CERS6: variants seen among roughly 807,000 people sequenced by gnomAD.
The protein encoded by CERS6 is LAG1 homolog, ceramide synthase 6.
A neutral mutation model predicts 56.8 loss-of-function variants in CERS6; 26 were observed. The observed-to-expected ratio is 0.46, with a 90% CI of 0.34 to 0.63. The LOEUF is 0.63. Ranked by LOEUF, CERS6 falls within the 30% of genes least tolerant of loss-of-function variation. The pLI, the probability that CERS6 is intolerant of heterozygous loss-of-function variation, is 0.01. For missense variants in CERS6, 415 were observed against 467.5 expected (o/e 0.89, Z 1.04); for synonymous variants, 164 against 173.3 (o/e 0.95, Z 0.42).
chr2:168,629,492 A>T lies in CERS6; in HGVS notation c.408-1493A>T, dbSNP rs75080792. Among the ~76,000 whole-genome samples the T allele has an allele frequency of 3.6e-3, 543 of 152,318 alleles. 5 individuals are homozygous for T. The highest frequency in any genetic ancestry group is 0.012 in the African/African-American group (510 of 41,562). On this transcript the variant is annotated intron_variant, in intron 3 of 9. Transcript: ENST00000305747. ...CCCAGTCTCCCATTATAGAGATGGA[A>T]CTGAGATCAAAGGATATTAACAGAT...
Position 168,456,512 on chromosome 2 carries a change from G to A in CERS6, c.64G>A (p.Ala22Thr), listed in dbSNP as rs779093085. The A allele has an allele frequency of 1.2e-6, 2 of 1,613,942 alleles. No homozygotes were observed. Among genetic ancestry groups the A allele is most frequent in the Non-Finnish European group, 1.7e-6 (2 of 1,179,942 alleles). ...RFWLPHNVTWADLKNTEEATF... is the reference protein window; with the variant it reads ...RFWLPHNVTWTDLKNTEEATF... ...TTGGCTCCCGCACAATGTCACCTGG[G>A]CGGACCTGAAGAACACGGAGGAGGC... Residue 22 changes from alanine to threonine, a missense_variant, in exon 1 of 10, where the codon GCG becomes ACG. Transcript: ENST00000305747. This position sits in a 1 kb window ranked among gnomAD's most constrained non-coding sequence, Gnocchi z 4.1.
rs1187907712 is a variant in CERS6 at position 168,756,187 on chromosome 2, CT to C, written c.846-9404del. 2.0e-5 allele frequency among the ~76,000 whole-genome samples: 3 copies of C among 152,202 alleles called. No homozygotes were observed. The East Asian group carries it at 5.8e-4, about 29-fold the overall frequency. ...ATGAGGATGGGAGGCTGGTTTTATA[CT>C]CTTTTAGAAAACTGGAAAAGTAAGT... On this transcript the variant is annotated intron_variant, in intron 8 of 9. Transcript: ENST00000305747.
intron 4 of CERS6, among the ~76,000 whole-genome samples, chr2:168,666,936 T>G (rs1022979990): frequency 3.3e-5 from 5 of 152,192 alleles, no homozygotes; most frequent in Admixed American, 3.3e-4. Context: ...ATAATGCATA[T>G]CTTGTGTTTA....
chr2:168,595,129 A>C (rs1683768605), intron 3 of CERS6, among the ~76,000 whole-genome samples: 1 of 152,214 alleles, frequency 6.6e-6, no homozygotes, highest in Non-Finnish European at 1.5e-5. Context: ...AAGAGACAGA[A>C]GCACCCTAAC....
intron 8 of CERS6, among the ~76,000 whole-genome samples, chr2:168,753,166 G>A (rs932614752): frequency 2.6e-5 from 4 of 152,180 alleles, no homozygotes; most frequent in African/African-American, 9.6e-5. Context: ...CACAGAGCTA[G>A]GGAATGCAAG....
chr2:168,701,159 A>G (rs138212395), intron 6 of CERS6, among the ~76,000 whole-genome samples: 23 of 152,304 alleles, frequency 1.5e-4, no homozygotes, highest in South Asian at 1.5e-3. Flanking sequence ...CCCCCAACCA[A>G]TGATAACATG....
chr2:168,586,465 G>A (rs1683545024), intron 3 of CERS6, among the ~76,000 whole-genome samples: 1 of 151,974 alleles, frequency 6.6e-6, no homozygotes, highest in African/African-American at 2.4e-5. Context: ...ATATATAAGA[G>A]GTGTGCATTT....
chr2:168,657,008 A>G (rs1468612116), intron 4 of CERS6, among the ~76,000 whole-genome samples: 1 of 152,132 alleles, frequency 6.6e-6, no homozygotes, highest in Admixed American at 6.5e-5. Flanking sequence ...CTTGAGCTAA[A>G]CACAGGGTGC....
chr2:168,456,762 A>C lies in CERS6; in HGVS notation c.170+144A>C. The stretch of plus-strand genomic sequence containing the variant: ...CTTTGTGTTCGGGGAGGGGTTGCTG[A>C]CCCCCCTGCCCCGCTGGCTTTCTGG... On this transcript the variant is annotated intron_variant, in intron 1 of 9. Coordinates refer to ENST00000305747, the MANE Select transcript of CERS6 (RefSeq NM_203463.3). This position sits in a 1 kb window ranked among gnomAD's most constrained non-coding sequence, Gnocchi z 4.1. The C allele has an allele frequency of 4.1e-6, 3 of 730,982 alleles. No individual in the cohort carries two copies. The highest frequency in any genetic ancestry group is 6.6e-6 in the Non-Finnish European group (3 of 453,094). 45.3% of individuals were successfully genotyped at this position (730,982 alleles called of 1,614,324 possible). A position where few individuals can be genotyped will look rare whatever the true frequency, so the allele number is the denominator to read the frequency against.
intron 7 of CERS6, among the ~76,000 whole-genome samples, chr2:168,715,968 G>A (rs911466343): frequency 6.6e-6 from 1 of 151,722 alleles, no homozygotes; most frequent in Non-Finnish European, 1.5e-5. Context: ...TAAGTGCTTT[G>A]TTTTGCCACC....
At chr2:168,501,203 T>C (rs1403895277) in intron 1 of CERS6, among the ~76,000 whole-genome samples, 1 of 152,224 alleles carries the variant, frequency 6.6e-6, no homozygotes. Context: ...TGGTGTTAGA[T>C]ACCAGCATCA....
At chr2:168,740,933 A>G (rs894500621) in intron 8 of CERS6, among the ~76,000 whole-genome samples, 5 of 152,208 alleles carry the variant, frequency 3.3e-5, no homozygotes, top group African/African-American at 7.2e-5. Flanking sequence ...AATGGCTTCC[A>G]GAGGAATTCA....
At chr2:168,709,747 G>A (rs1687042511) in intron 6 of CERS6, among the ~76,000 whole-genome samples, 2 of 152,068 alleles carry the variant, frequency 1.3e-5, no homozygotes, top group Non-Finnish European at 2.9e-5. Flanking sequence ...GTCTATGTGT[G>A]CACTAATCAC....
At chr2:168,737,928 T>G (rs1004207452) in intron 8 of CERS6, among the ~76,000 whole-genome samples, 1 of 152,194 alleles carries the variant, frequency 6.6e-6, no homozygotes, top group Non-Finnish European at 1.5e-5. Flanking sequence ...TTATGGTGAG[T>G]GTTTTTTAAG....
intron 3 of CERS6, among the ~76,000 whole-genome samples, chr2:168,600,735 G>A (rs1309948771): frequency 1.3e-5 from 2 of 152,092 alleles, no homozygotes; most frequent in South Asian, 2.1e-4. Flanking sequence ...ATTCTAGACT[G>A]TAAACATTCC....
intron 3 of CERS6, among the ~76,000 whole-genome samples, chr2:168,589,429 T>C (rs904543137): frequency 3.3e-5 from 5 of 152,214 alleles, no homozygotes; most frequent in African/African-American, 1.2e-4. Context: ...GGTAGCATGG[T>C]TCTGGGATCT....
rs1693671286 is a variant in CERS6 at position 168,456,775 on chromosome 2, G to T, written c.170+157G>T. 6.6e-6 allele frequency among the ~76,000 whole-genome samples: 1 copy of T among 152,088 alleles called. No homozygotes were observed. The highest frequency in any genetic ancestry group is 1.5e-5 in the Non-Finnish European group (1 of 68,006). On this transcript the variant is annotated intron_variant, in intron 1 of 9. Coordinates refer to ENST00000305747, the MANE Select transcript of CERS6 (RefSeq NM_203463.3). The surrounding 1 kb of genome is among the most constrained non-coding windows in gnomAD (Gnocchi z 4.1). ...GAGGGGTTGCTGACCCCCCTGCCCC[G>T]CTGGCTTTCTGGGAGCCAGAAAGGG...
chr2:168,594,715 G>A (rs930178384), intron 3 of CERS6, among the ~76,000 whole-genome samples: 1 of 152,174 alleles, frequency 6.6e-6, no homozygotes, highest in African/African-American at 2.4e-5. Flanking sequence ...CTCAGGTCAT[G>A]TTATTACCAT....
intron 1 of CERS6, among the ~76,000 whole-genome samples, chr2:168,475,535 G>A (rs546692779): frequency 6.9e-5 from 9 of 131,198 alleles, no homozygotes; most frequent in Admixed American, 2.5e-4. Context: ...AAATGACAGG[G>A]TAGAATCAAT....
Sources: gnomAD v4.1 joint callset for allele counts (sites outside exome capture counted in the v4.1 genomes callset) on GRCh38, gnomAD v4.1.1 for gene constraint, Gnocchi (gnomAD v3.1) non-coding constraint, MANE v1.5 for transcripts, NCBI Gene and HGNC (gene_info 2026-07-23, HGNC 2026-07-21) for gene names.